Variants in DCT observed in about 807,000 individuals in gnomAD.
The protein encoded by DCT is dopachrome tautomerase, also known as L-dopachrome tautomerase.
DCT carries 47 observed loss-of-function variants against 53.0 expected under a neutral mutation model. The ratio of observed to expected loss-of-function variants is 0.89; its 90% CI spans 0.70 to 1.13. The LOEUF is 1.13. Ranked by LOEUF, DCT falls within the 50% of genes most tolerant of loss-of-function variation. DCT has a pLI of 0.00. For missense variants in DCT, 669 were observed against 637.4 expected, an observed-to-expected ratio of 1.05 and a Z score of -0.53; for synonymous variants, 244 against 237.0, an observed-to-expected ratio of 1.03 and a Z score of -0.27.
the DCT span, among the ~76,000 whole-genome samples, chr13:94,543,863 C>T: frequency 6.6e-6 from 1 of 151,920 alleles, no homozygotes; most frequent in Non-Finnish European, 1.5e-5. Flanking sequence ...GGTGAAACCC[C>T]ATCACTACTA....
chr13:94,531,144 CACAA>C, the DCT span, among the ~76,000 whole-genome samples: 1 of 152,038 alleles, frequency 6.6e-6, no homozygotes, highest in African/African-American at 2.4e-5. Flanking sequence ...TAAAAGAGGA[CACAA>C]ACAAATGGAA....
At chr13:94,491,828 C>A in the DCT span, among the ~76,000 whole-genome samples, 1 of 152,176 alleles carries the variant, frequency 6.6e-6, no homozygotes, top group Non-Finnish European at 1.5e-5. Context: ...AGTACTGGAT[C>A]TCCTCTCAGA....
chr13:94,484,186 C>T (rs149678557), upstream of DCT, among the ~76,000 whole-genome samples: 446 of 152,264 alleles, frequency 2.9e-3, 1 homozygote, highest in African/African-American at 0.01. Context: ...GCTAATTTTG[C>T]GTCAAAGTAG....
the DCT span, among the ~76,000 whole-genome samples, chr13:94,532,094 T>G: frequency 6.6e-6 from 1 of 152,186 alleles, no homozygotes; most frequent in Non-Finnish European, 1.5e-5. Context: ...AGATACCATC[T>G]CACTCCAGTT....
chr13:94,516,644 T>C, the DCT span, among the ~76,000 whole-genome samples: 2 of 152,148 alleles, frequency 1.3e-5, no homozygotes, highest in Non-Finnish European at 2.9e-5. Context: ...AATTCATTTA[T>C]GAATGAATGG....
intron 6 of DCT, among the ~76,000 whole-genome samples, chr13:94,449,356 GT>G (rs1453098802): frequency 1.2e-4 from 19 of 152,312 alleles, no homozygotes; most frequent in Non-Finnish European, 2.2e-4. Flanking sequence ...AATAAGAAAA[GT>G]TTCTGCATCT....
At position 94,466,016 on chromosome 13, in the gene DCT, A is replaced by AC. The variant is rs1233655409; in HGVS notation, c.697-218_697-217insG. On this transcript the variant is annotated intron_variant, in intron 3 of 7. Coordinates refer to ENST00000377028, the MANE Select transcript of DCT (RefSeq NM_001922.5). ...TATATATATATATATATATATATAT[A>AC]TATATATACTGTGTACAATGGAGTA... is the stretch of plus-strand genomic sequence containing the variant. Among the ~76,000 whole-genome samples the AC allele has an allele frequency of 3.6e-3, 292 of 80,980 alleles. 3 individuals are homozygous for AC. The highest frequency in any genetic ancestry group is 0.013 in the South Asian group (31 of 2,428). 53.1% of individuals were successfully genotyped at this position (80,980 alleles called of 152,430 possible).
At chr13:94,465,822 G>C (rs769466143) in intron 3 of DCT, 23 bp from the exon 4 acceptor site, 25 of 1,602,312 alleles carry the variant, frequency 1.6e-5, no homozygotes, top group Non-Finnish European at 2.1e-5. Context: ...GGCAGGCCTA[G>C]TCATTTAATC....
chr13:94,541,899 C>T, the DCT span, among the ~76,000 whole-genome samples: 1 of 152,162 alleles, frequency 6.6e-6, no homozygotes, highest in Non-Finnish European at 1.5e-5. Context: ...CGGGTCATTG[C>T]AGCTGGAAGG....
At chr13:94,461,908 G>T in intron 5 of DCT, 102 bp downstream of exon 5, 1 of 1,005,598 alleles carries the variant, frequency 9.9e-7, no homozygotes, top group Non-Finnish European at 1.4e-6. Flanking sequence ...ACTTAGCTTC[G>T]TAGACAACCC....
chr13:94,440,676 GTTTTT>G (rs761688508), intron 7 of DCT, among the ~76,000 whole-genome samples: 3 of 98,054 alleles, frequency 3.1e-5, no homozygotes, highest in African/African-American at 1.2e-4. Context: ...TCATTTTTTG[GTTTTT>G]TTTTTTTTTT....
At chr13:94,522,416 G>A in the DCT span, among the ~76,000 whole-genome samples, 1 of 152,072 alleles carries the variant, frequency 6.6e-6, no homozygotes, top group South Asian at 2.1e-4. Context: ...TTTAGAACTC[G>A]GACTGGCTCT....
intron 6 of DCT, among the ~76,000 whole-genome samples, chr13:94,449,853 C>A (rs888884902): frequency 6.6e-6 from 1 of 152,112 alleles, no homozygotes. Context: ...TTAAACAACA[C>A]CCAAGCCTTT....
At chr13:94,499,204 C>T in the DCT span, among the ~76,000 whole-genome samples, 1 of 152,066 alleles carries the variant, frequency 6.6e-6, no homozygotes, top group African/African-American at 2.4e-5. Context: ...TTGAAGTCAG[C>T]GAGACCACAA....
At chr13:94,525,363 A>C in the DCT span, among the ~76,000 whole-genome samples, 2 of 152,112 alleles carry the variant, frequency 1.3e-5, no homozygotes, top group Non-Finnish European at 2.9e-5. Context: ...CAGCCTCCCA[A>C]AGTGCTGGAA....
At chr13:94,501,732 G>A in the DCT span, among the ~76,000 whole-genome samples, 1 of 152,010 alleles carries the variant, frequency 6.6e-6, no homozygotes, top group East Asian at 1.9e-4. Context: ...GCGAGAGTGA[G>A]GGAGGGTGTC....
At chr13:94,464,024 T>C (rs41495446) in intron 4 of DCT, among the ~76,000 whole-genome samples, 22,053 of 152,274 alleles carry the variant, frequency 0.14, 1,936 homozygotes, top group Non-Finnish European at 0.2. Flanking sequence ...TAAATTTACT[T>C]GATGACGGAA....
rs1282452305 is a variant in DCT, at chr13:94,437,745, C to A, written c.*2153G>T. 1 of 152,082 alleles carries A rather than the reference C, an allele frequency of 6.6e-6. No homozygotes were observed. Among genetic ancestry groups the A allele is most frequent in the African/African-American group, 2.4e-5 (1 of 41,416 alleles). The allele number at this position is 152,082 out of a possible 1,614,324, so 9.4% of individuals were successfully genotyped here. A position where few individuals can be genotyped will look rare whatever the true frequency, so the allele number is the denominator to read the frequency against. ...TCCTACCTTAATATTTGTTAAAATG[C>A]ATTCATAATTGATTTATTGTAAGGT... On this transcript the variant is annotated 3_prime_UTR_variant, in exon 8 of 8. Coordinates refer to ENST00000377028, the MANE Select transcript of DCT (RefSeq NM_001922.5).
At chr13:94,487,336 CA>C in the DCT span, among the ~76,000 whole-genome samples, 1 of 152,202 alleles carries the variant, frequency 6.6e-6, no homozygotes, top group African/African-American at 2.4e-5. Context: ...ACAGCTGAGG[CA>C]AGACTAAGTG....
Sources: gnomAD v4.1 joint callset for allele counts (sites outside exome capture counted in the v4.1 genomes callset) on GRCh38, gnomAD v4.1.1 for gene constraint, MANE v1.5 for transcripts, NCBI Gene and HGNC (gene_info 2026-07-23, HGNC 2026-07-21) for gene names.